The following THSD7A variants were observed in gnomAD, a reference collection of about 807,000 sequenced individuals.
THSD7A encodes the protein thrombospondin type 1 domain containing 7A.
THSD7A carries 96 observed loss-of-function variants against 231.3 expected under a neutral mutation model. The observed-to-expected ratio is 0.41, with a 90% CI of 0.35 to 0.49. The LOEUF is 0.49. Among genes scored for constraint, THSD7A ranks in the 20% least tolerant of loss-of-function variants. The pLI is 0.05. For missense variants in THSD7A, 2,290 were observed against 2,070.2 expected, an observed-to-expected ratio of 1.11 and a Z score of -2.06; for synonymous variants, 940 against 743.3, an observed-to-expected ratio of 1.26 and a Z score of -4.30.
chr7:11,636,989 CA>C lies in THSD7A; in HGVS notation c.191-29del. ...ACAAAAATTATAACACAAAAATTAG[CA>C]GTGCTACTAGAAGAAAACTACAAGT... On this transcript the variant is annotated intron_variant, in intron 1 of 27. Transcript: ENST00000423059. The surrounding 1 kb of genome is among the most constrained non-coding windows in gnomAD (Gnocchi z 10.0). 1 of 1,573,840 alleles carries C rather than the reference CA, an allele frequency of 6.4e-7. No individual in the cohort carries two copies. Among genetic ancestry groups the C allele is most frequent in the Non-Finnish European group, 8.6e-7 (1 of 1,163,332 alleles).
At chr7:11,429,204 T>C in intron 13 of THSD7A, 79 bp from the exon 14 acceptor site, 2 of 1,408,998 alleles carry the variant, frequency 1.4e-6, no homozygotes, top group Non-Finnish European at 1.9e-6. Context: ...CTAGGTCATT[T>C]AGAAGGTCCA....
intron 23 of THSD7A, 133 bp downstream of exon 23, chr7:11,401,662 T>A (rs756490135): frequency 2.6e-6 from 2 of 769,952 alleles, no homozygotes; most frequent in East Asian, 6.3e-5. Context: ...TCCGCCCACC[T>A]AGGCCTCCCA....
intron 7 of THSD7A, among the ~76,000 whole-genome samples, chr7:11,475,935 CT>C (rs553018024): frequency 0.15 from 16,814 of 110,614 alleles, 655 homozygotes; most frequent in Non-Finnish European, 0.18. Context: ...AAATACTTTC[CT>C]TTTTTTTTTT....
rs1428270297 is a variant in THSD7A at position 11,628,794 on chromosome 7, A to G, written c.1022+7336T>C. ...ATGAGTAAACTAACAATGACATAGA[A>G]GCAGTTCTCTGGTTCTGACACCGTA... On this transcript the variant is annotated intron_variant, in intron 2 of 27. Coordinates refer to ENST00000423059, the MANE Select transcript of THSD7A (RefSeq NM_015204.3). Among the ~76,000 whole-genome samples the G allele has an allele frequency of 2.0e-5, 3 of 152,192 alleles. No individual in the cohort carries two copies. The East Asian group carries it at 5.8e-4, about 29-fold the overall frequency.
intron 1 of THSD7A, among the ~76,000 whole-genome samples, chr7:11,712,176 T>C (rs1369000543): frequency 2.0e-5 from 3 of 150,942 alleles, no homozygotes; most frequent in African/African-American, 7.3e-5. Flanking sequence ...AAACCATAAA[T>C]TTACCCAAAG....
chr7:11,718,200 T>C (rs982896464), intron 1 of THSD7A, among the ~76,000 whole-genome samples: 2 of 150,562 alleles, frequency 1.3e-5, no homozygotes, highest in Non-Finnish European at 3.0e-5. Context: ...ATGAAAGAAC[T>C]AAAAACCTCT....
Position 11,633,859 on chromosome 7 carries a change from C to T in THSD7A, c.1022+2271G>A, listed in dbSNP as rs192755951. Among the ~76,000 whole-genome samples the T allele has an allele frequency of 3.9e-5, 6 of 152,260 alleles. No homozygotes were observed. In the East Asian group the frequency reaches 1.2e-3, roughly 29 times the overall value. On this transcript the variant is annotated intron_variant, in intron 2 of 27. Coordinates refer to ENST00000423059, the MANE Select transcript of THSD7A (RefSeq NM_015204.3). ...TTATTTAGTTAAACTTATGCAGTTA[C>T]TATAATGTAATTTTTAGCCATATTA...
intron 1 of THSD7A, among the ~76,000 whole-genome samples, chr7:11,660,639 T>C (rs1408074486): frequency 2.6e-5 from 4 of 151,476 alleles, no homozygotes; most frequent in African/African-American, 9.7e-5. Flanking sequence ...AATACTGAAA[T>C]TCCTGATTAA....
intron 1 of THSD7A, among the ~76,000 whole-genome samples, chr7:11,647,921 A>G (rs2128367051): frequency 1.3e-5 from 2 of 152,172 alleles, no homozygotes; most frequent in South Asian, 4.1e-4. Flanking sequence ...GCAAGAGGTT[A>G]GCTGATATCC....
intron 1 of THSD7A, among the ~76,000 whole-genome samples, chr7:11,825,534 C>T: frequency 6.6e-6 from 1 of 152,056 alleles, no homozygotes; most frequent in East Asian, 1.9e-4. Flanking sequence ...GGGCTTGCTC[C>T]AGGTCATAAA....
chr7:11,776,509 T>C (rs989526580), intron 1 of THSD7A, among the ~76,000 whole-genome samples: 1 of 152,194 alleles, frequency 6.6e-6, no homozygotes, highest in Non-Finnish European at 1.5e-5. Context: ...TGGTCCATTA[T>C]AAAGGTTTCA....
chr7:11,568,262 T>A (rs746525641), intron 4 of THSD7A, among the ~76,000 whole-genome samples: 1 of 152,174 alleles, frequency 6.6e-6, no homozygotes, highest in African/African-American at 2.4e-5. Context: ...CAGCAACGTA[T>A]GTGGGATGGG....
At chr7:11,677,333 T>G (rs1783680837) in intron 1 of THSD7A, among the ~76,000 whole-genome samples, 1 of 151,686 alleles carries the variant, frequency 6.6e-6, no homozygotes, top group Non-Finnish European at 1.5e-5. Flanking sequence ...GTAAAGACCA[T>G]CAAAACTATG....
intron 1 of THSD7A, among the ~76,000 whole-genome samples, chr7:11,765,691 A>T (rs1783009997): frequency 6.6e-6 from 1 of 152,116 alleles, no homozygotes; most frequent in Admixed American, 6.5e-5. Context: ...ATTTCCTGGG[A>T]AACAAGCTGG....
rs752896257 is a variant in THSD7A at position 11,462,092 on chromosome 7, G to T, written c.2420C>A (p.Pro807Gln). 2 of 1,613,794 alleles carry T rather than the reference G, an allele frequency of 1.2e-6. No homozygotes were observed. The highest frequency in any genetic ancestry group is 4.5e-5 in the East Asian group (2 of 44,854). The change falls in exon 10 of 28, where the codon CCA (proline) becomes CAA (glutamine). Residue 807 changes from proline (P) to glutamine (Q), a missense_variant. Pro to Gln is a moderately conservative substitution (Grantham distance 76). Coordinates refer to ENST00000423059, the MANE Select transcript of THSD7A (RefSeq NM_015204.3). Reference sequence around the variant, plus strand: ...TGTGCAGTCTCGGCCCCCGTTGGCTGGCAGCTGAATGATGACCCGATGCCT... The same window carrying T: ...TGTGCAGTCTCGGCCCCCGTTGGCTTGCAGCTGAATGATGACCCGATGCCT... ...QSRHRVIIQL[P>Q]ANGGRDCTDP...
intron 1 of THSD7A, among the ~76,000 whole-genome samples, chr7:11,763,698 A>G (rs901356728): frequency 6.6e-6 from 1 of 152,102 alleles, no homozygotes; most frequent in African/African-American, 2.4e-5. Flanking sequence ...TTTGAATGTC[A>G]TTTCCCTTAA....
chr7:11,692,510 GA>G (rs1243907658), intron 1 of THSD7A, among the ~76,000 whole-genome samples: 1 of 151,460 alleles, frequency 6.6e-6, no homozygotes. Flanking sequence ...AATAAAATAT[GA>G]GGCAGATGCG....
At position 11,406,872 on chromosome 7, in the gene THSD7A, G is replaced by C. The variant is rs1320718495; in HGVS notation, c.4062+38C>G. 3 of 1,609,838 alleles carry C rather than the reference G, an allele frequency of 1.9e-6. No homozygotes were observed. Among genetic ancestry groups the C allele is most frequent in the Admixed American group, 1.7e-5 (1 of 59,610 alleles). ...TCTGCAGATGAAGTCTCTGCAGATA[G>C]AGTACACACTTCCTGACAACTTCTT... On this transcript the variant is annotated intron_variant, in intron 21 of 27. Transcript: ENST00000423059. The surrounding 1 kb of genome is among the most constrained non-coding windows in gnomAD (Gnocchi z 4.7).
chr7:11,717,594 A>C (rs1781184296), intron 1 of THSD7A, among the ~76,000 whole-genome samples: 1 of 151,612 alleles, frequency 6.6e-6, no homozygotes, highest in Non-Finnish European at 1.5e-5. Context: ...GTCCTGTGAC[A>C]TCTGGCCTGC....
Sources: gnomAD v4.1 joint callset for allele counts (sites outside exome capture counted in the v4.1 genomes callset) on GRCh38, gnomAD v4.1.1 for gene constraint, Gnocchi (gnomAD v3.1) non-coding constraint, MANE v1.5 for transcripts, NCBI Gene and HGNC (gene_info 2026-07-23, HGNC 2026-07-21) for gene names.